Variants in NAV3 observed in about 807,000 individuals in gnomAD.
The protein encoded by NAV3 is pore membrane and/or filament interacting like protein 1.
NAV3 carries 87 observed loss-of-function variants against 244.7 expected under a neutral mutation model. The observed-to-expected ratio is 0.36, with a 90% CI of 0.30 to 0.42. NAV3 has a LOEUF of 0.42. Ranked by LOEUF, NAV3 falls within the 20% of genes least tolerant of loss-of-function variation. The probability of loss-of-function intolerance (pLI) is 1.00; values close to 1 mark genes in which losing one functional copy is unlikely to be tolerated. For missense variants in NAV3, 2,663 were observed against 2,893.3 expected, an observed-to-expected ratio of 0.92 and a Z score of 1.83; for synonymous variants, 1,126 against 1,042.2, an observed-to-expected ratio of 1.08 and a Z score of -1.55.
At chr12:77,585,741 G>T (rs913105741) in intron 2 of NAV3, among the ~76,000 whole-genome samples, 2 of 152,160 alleles carry the variant, frequency 1.3e-5, no homozygotes, top group Non-Finnish European at 2.9e-5. Flanking sequence ...CTGCTGTGTG[G>T]CCCAGTTCCT....
chr12:78,051,100 T>C lies in NAV3; in HGVS notation c.2469T>C (p.Asp823=), dbSNP rs776208642. The C allele has an allele frequency of 4.3e-6, 7 of 1,613,598 alleles. No homozygotes were observed. Among genetic ancestry groups the C allele is most frequent in the Non-Finnish European group, 5.9e-6 (7 of 1,179,592 alleles). ...TCGATGTGGGTGGATATATGAGTGATGGTGATATCCTTGGGAAAAGTCTCA... is the reference window on the plus strand; with the variant it reads ...TCGATGTGGGTGGATATATGAGTGACGGTGATATCCTTGGGAAAAGTCTCA... ...SEVDVGGYMS[D]GDILGKSLRT... The change falls in exon 11 of 40, where the codon GAT becomes GAC. Residue 823 remains aspartate, a synonymous_variant. Transcript: ENST00000397909.
chr12:78,073,280 A>G (rs1193616660), intron 12 of NAV3, among the ~76,000 whole-genome samples: 1 of 135,258 alleles, frequency 7.4e-6, no homozygotes, highest in Non-Finnish European at 1.6e-5. Context: ...TTGTATATCT[A>G]GAAAACCCCA....
chr12:77,647,418 T>C (rs1258600981), intron 2 of NAV3, among the ~76,000 whole-genome samples: 1 of 152,016 alleles, frequency 6.6e-6, no homozygotes, highest in African/African-American at 2.4e-5. Context: ...CTGAAACAGC[T>C]CTGTGCTACA....
intron 1 of NAV3, among the ~76,000 whole-genome samples, chr12:77,894,723 G>A (rs977501034): frequency 6.6e-6 from 1 of 152,164 alleles, no homozygotes; most frequent in Non-Finnish European, 1.5e-5. Flanking sequence ...ACAGAATGTG[G>A]TAGGGAGAGT....
intron 1 of NAV3, among the ~76,000 whole-genome samples, chr12:77,924,452 G>T (rs1258671189): frequency 6.6e-6 from 1 of 152,044 alleles, no homozygotes; most frequent in Non-Finnish European, 1.5e-5. Context: ...CACAAATTTT[G>T]GTGAACAGTG....
At chr12:78,034,181 T>C (rs780447717) in intron 9 of NAV3, among the ~76,000 whole-genome samples, 2 of 152,208 alleles carry the variant, frequency 1.3e-5, no homozygotes, top group East Asian at 3.9e-4. Context: ...GGTTTATCAT[T>C]GTAGGATGTT....
intron 9 of NAV3, among the ~76,000 whole-genome samples, chr12:78,031,486 T>C (rs1363950281): frequency 1.3e-5 from 2 of 151,974 alleles, no homozygotes; most frequent in African/African-American, 4.8e-5. Flanking sequence ...AGACTCAATC[T>C]CAGGACTTTT....
chr12:77,904,400 A>T (rs1051590554), intron 1 of NAV3, among the ~76,000 whole-genome samples: 28 of 152,152 alleles, frequency 1.8e-4, no homozygotes, highest in Non-Finnish European at 3.8e-4. Flanking sequence ...AAGGACAAAA[A>T]ACCAAACACC....
chr12:78,148,403 G>GA (rs556868126), intron 21 of NAV3, among the ~76,000 whole-genome samples: 6 of 148,430 alleles, frequency 4.0e-5, no homozygotes, highest in African/African-American at 7.4e-5. Flanking sequence ...ATGTACAGAG[G>GA]AAAAAAAAAC....
chr12:78,035,626 A>G (rs1879727644), intron 9 of NAV3, among the ~76,000 whole-genome samples: 2 of 152,202 alleles, frequency 1.3e-5, no homozygotes, highest in South Asian at 4.1e-4. Flanking sequence ...GTTATCTGTA[A>G]CATTATTATG....
At chr12:77,972,297 T>G (rs1430070794) in intron 5 of NAV3, among the ~76,000 whole-genome samples, 4 of 152,176 alleles carry the variant, frequency 2.6e-5, no homozygotes, top group Non-Finnish European at 5.9e-5. Flanking sequence ...TGGATCTGTA[T>G]TAAAGTAAAG....
chr12:77,750,144 G>A (rs1430227909), intron 2 of NAV3, among the ~76,000 whole-genome samples: 2 of 152,146 alleles, frequency 1.3e-5, no homozygotes, highest in Admixed American at 6.5e-5. Context: ...ACAAGGTCAG[G>A]AGATCAAGAC....
At chr12:77,845,656 T>C (rs193235806) in intron 1 of NAV3, among the ~76,000 whole-genome samples, 2,811 of 148,750 alleles carry the variant, frequency 0.019, 74 homozygotes, top group African/African-American at 0.066. Flanking sequence ...TAATACTTTT[T>C]TTTTTTTTTT....
intron 2 of NAV3, among the ~76,000 whole-genome samples, chr12:77,608,816 C>G (rs941184560): frequency 6.6e-6 from 1 of 152,028 alleles, no homozygotes; most frequent in Admixed American, 6.6e-5. Flanking sequence ...AGAACTACCC[C>G]TAGACTGGGA....
intron 2 of NAV3, among the ~76,000 whole-genome samples, chr12:77,802,504 G>T (rs1264115713): frequency 6.6e-6 from 1 of 152,166 alleles, no homozygotes; most frequent in Non-Finnish European, 1.5e-5. Context: ...AAATGTGTTT[G>T]CTGTTACTCC....
intron 39 of NAV3, among the ~76,000 whole-genome samples, chr12:78,207,200 C>G (rs1433572993): frequency 6.6e-6 from 1 of 152,042 alleles, no homozygotes; most frequent in Non-Finnish European, 1.5e-5. Context: ...AAGAAACATC[C>G]ACTATTTAGT....
chr12:78,122,562 GC>G (rs1955721904), intron 16 of NAV3, 134 bp downstream of exon 16: 1 of 1,119,976 alleles, frequency 8.9e-7, no homozygotes, highest in Admixed American at 2.9e-5. Context: ...ATGAAACCGG[GC>G]CTTTCATTTG....
In NAV3 at chr12:77,810,044, A is replaced by G. The variant is rs1872203701; in HGVS notation, c.73-130275A>G. ...CAGATTCTCAAATACCTGACTATTC[A>G]AACTATTCTTTTGTTTTCAGTTTAA... On this transcript the variant is annotated intron_variant, in intron 2 of 8. Transcript: ENST00000550042. Among the ~76,000 whole-genome samples, 7 of 152,246 alleles carry G rather than the reference A, an allele frequency of 4.6e-5. No homozygotes were observed. The South Asian group carries it at 1.2e-3, about 27-fold the overall frequency.
chr12:77,963,266 T>C (rs1892188460), intron 3 of NAV3, among the ~76,000 whole-genome samples: 1 of 152,098 alleles, frequency 6.6e-6, no homozygotes, highest in Non-Finnish European at 1.5e-5. Context: ...AATGATAAAA[T>C]CTTTACAATT....
Sources: gnomAD v4.1 joint callset for allele counts (sites outside exome capture counted in the v4.1 genomes callset) on GRCh38, gnomAD v4.1.1 for gene constraint, MANE v1.5 for transcripts, NCBI Gene and HGNC (gene_info 2026-07-23, HGNC 2026-07-21) for gene names.